Variants in PACS2 observed in about 807,000 individuals in gnomAD.
PACS2 encodes the protein phosphofurin acidic cluster sorting protein 2.
Under a neutral mutation model 113.0 loss-of-function variants are expected in PACS2, and 36 were observed. That is an observed-to-expected ratio of 0.32 (90% CI 0.24 to 0.42). PACS2 has a LOEUF of 0.42. Ranked by LOEUF, PACS2 falls within the 10% of genes least tolerant of loss-of-function variation. PACS2 has a pLI of 1.00. For synonymous variants in PACS2, 589 were observed against 536.1 expected (o/e 1.10, Z -1.36); for missense variants, 1,015 against 1,239.5 (o/e 0.82, Z 2.72).
At chr14:105,333,250 G>A (rs1009203198) in intron 1 of PACS2, among the ~76,000 whole-genome samples, 6 of 152,216 alleles carry the variant, frequency 3.9e-5, no homozygotes, top group African/African-American at 1.4e-4. Context: ...GACAGCTGGA[G>A]TCATCCTCCT....
intron 5 of PACS2, 90 bp downstream of exon 5, chr14:105,367,465 C>T: frequency 7.4e-7 from 1 of 1,356,646 alleles, no homozygotes; most frequent in Non-Finnish European, 1.0e-6. Context: ...ACTGTCCAGC[C>T]TGGCTTAAGG....
At position 105,384,451 on chromosome 14, in the gene PACS2, G is replaced by A; in HGVS notation, c.1879G>A (p.Ala627Thr). The change falls in exon 17 of 25, where the codon GCC (alanine) becomes ACC (threonine). Residue 627 changes from alanine to threonine, a missense_variant. By Grantham distance (58) the Ala-to-Thr change is moderately conservative (BLOSUM62 0). Coordinates refer to ENST00000447393, the MANE Select transcript of PACS2 (RefSeq NM_001100913.3). ...AWRDLFNKLE[A>T]QSAVQDTPDI... ...GAGAGACCTGTTCAACAAGCTGGAG[G>A]CCCAGAGTGCGGGTGAGGCCCGGGC... The A allele has an allele frequency of 5.0e-6, 8 of 1,609,712 alleles. No homozygotes were observed. Among genetic ancestry groups the A allele is most frequent in the Non-Finnish European group, 6.8e-6 (8 of 1,177,908 alleles).
At position 105,357,516 on chromosome 14, in the gene PACS2, G is replaced by A. The variant is rs1370281320; in HGVS notation, c.423+2339G>A. Among the ~76,000 whole-genome samples the A allele has an allele frequency of 2.0e-5, 3 of 152,138 alleles. No individual in the cohort carries two copies. Among genetic ancestry groups the A allele is most frequent in the African/African-American group, 7.2e-5 (3 of 41,428 alleles). On this transcript the variant is annotated intron_variant, in intron 4 of 24. Coordinates refer to ENST00000447393, the MANE Select transcript of PACS2 (RefSeq NM_001100913.3). This position sits in a 1 kb window ranked among gnomAD's most constrained non-coding sequence, Gnocchi z 5.1. ...GGCATCCTTCCACCTTCCACTGGCA[G>A]CCTGGTCCCAGAACCTAGTTGGGTC...
chr14:105,388,368 G>C (rs1445431541), intron 19 of PACS2, among the ~76,000 whole-genome samples: 15 of 152,256 alleles, frequency 9.9e-5, no homozygotes, highest in African/African-American at 3.6e-4. Context: ...GCCGGGCAGA[G>C]GCTGTTTTAC....
rs1287414026 is a variant in PACS2 at position 105,360,267 on chromosome 14, C to T, written c.423+5090C>T. Reference sequence around the variant, plus strand: ...TTTAAAATATTGCTAAAGCTGGGTGCGGTGGCTCATGCCTGTAATCCCAGC... The same window carrying T: ...TTTAAAATATTGCTAAAGCTGGGTGTGGTGGCTCATGCCTGTAATCCCAGC... On this transcript the variant is annotated intron_variant, in intron 4 of 24. Coordinates refer to ENST00000447393, the MANE Select transcript of PACS2 (RefSeq NM_001100913.3). Among the ~76,000 whole-genome samples, 5 of 152,078 alleles carry T rather than the reference C, an allele frequency of 3.3e-5. 1 individual carries two copies. Among genetic ancestry groups the T allele is most frequent in the South Asian group, 4.1e-4 (2 of 4,830 alleles).
chr14:105,351,288 T>C (rs76512495), intron 2 of PACS2, among the ~76,000 whole-genome samples: 3,968 of 152,318 alleles, frequency 0.026, 199 homozygotes, highest in African/African-American at 0.089. Flanking sequence ...TATTTTGATA[T>C]AAAGTTTGCG....
intron 1 of PACS2, among the ~76,000 whole-genome samples, chr14:105,322,411 G>A (rs148004792): frequency 1.1e-4 from 16 of 151,334 alleles, no homozygotes; most frequent in African/African-American, 3.4e-4. Flanking sequence ...CTACAGGTGC[G>A]CGCCACCGCA....
At chr14:105,382,095 G>GCTCGT in intron 13 of PACS2, 37 bp downstream of exon 13, 5 of 1,531,348 alleles carry the variant, frequency 3.3e-6, no homozygotes, top group Non-Finnish European at 4.4e-6. Flanking sequence ...AGGAGGCAGG[G>GCTCGT]CTCGTGGTCA....
At chr14:105,363,767 C>G (rs1005504347) in intron 4 of PACS2, among the ~76,000 whole-genome samples, 2 of 152,174 alleles carry the variant, frequency 1.3e-5, no homozygotes, top group East Asian at 1.9e-4. Flanking sequence ...CGCCCTCACC[C>G]TGTCTCGGCT....
chr14:105,376,976 GCCACTCTGCGA>G lies in PACS2; in HGVS notation c.959+60_959+70del. 1 of 1,527,532 alleles carries G rather than the reference GCCACTCTGCGA, an allele frequency of 6.5e-7. No homozygotes were observed. Among genetic ancestry groups the G allele is most frequent in the African/African-American group, 1.4e-5 (1 of 72,112 alleles). 94.6% of individuals were successfully genotyped at this position (1,527,532 alleles called of 1,614,324 possible). ...AGGAACAGCCATTTCAGATGCCCCGGCCACTCTGCGACCACTCTGGCAGACCCATGTCCAGC... is the reference window on the plus strand; with the variant it reads ...AGGAACAGCCATTTCAGATGCCCCGGCCACTCTGGCAGACCCATGTCCAGC... On this transcript the variant is annotated intron_variant, in intron 9 of 24. Coordinates refer to ENST00000447393, the MANE Select transcript of PACS2 (RefSeq NM_001100913.3). The surrounding 1 kb of genome is among the most constrained non-coding windows in gnomAD (Gnocchi z 4.7).
chr14:105,361,621 GA>G (rs2060681883), intron 4 of PACS2, among the ~76,000 whole-genome samples: 1 of 152,032 alleles, frequency 6.6e-6, no homozygotes, highest in African/African-American at 2.4e-5. Context: ...TGGGTGACAA[GA>G]GTGAGACTCC....
intron 4 of PACS2, among the ~76,000 whole-genome samples, chr14:105,364,050 C>T (rs2060831359): frequency 6.6e-6 from 1 of 152,104 alleles, no homozygotes; most frequent in African/African-American, 2.4e-5. Context: ...GATAGTCACA[C>T]CGTAGCTCAC....
At position 105,358,628 on chromosome 14, in the gene PACS2, A is replaced by G. The variant is rs2060547014; in HGVS notation, c.423+3451A>G. 2.0e-5 allele frequency among the ~76,000 whole-genome samples: 3 copies of G among 152,276 alleles called. No homozygotes were observed. The highest frequency in any genetic ancestry group is 4.1e-4 in the South Asian group (2 of 4,826). On this transcript the variant is annotated intron_variant, in intron 4 of 24. Coordinates refer to ENST00000447393, the MANE Select transcript of PACS2 (RefSeq NM_001100913.3). This position sits in a 1 kb window ranked among gnomAD's most constrained non-coding sequence, Gnocchi z 4.9. The stretch of plus-strand genomic sequence containing the variant: ...ACAAGACAGGAAGGTTGACAGACCC[A>G]TGACCAGGCGAAGGGGTGACCTGGG...
intron 1 of PACS2, among the ~76,000 whole-genome samples, chr14:105,318,867 A>G (rs975672846): frequency 4.6e-5 from 7 of 150,728 alleles, no homozygotes; most frequent in South Asian, 2.1e-4. Context: ...TCACCGTGTT[A>G]GCCAGGATGG....
rs2141130425 is a variant in PACS2 at position 105,365,391 on chromosome 14, C to T, written c.424-1822C>T. ...CCTGCAGATATCAAAATAGTGTTCA[C>T]ATATAGGTCGACCACAGGCTGAGTG... On this transcript the variant is annotated intron_variant, in intron 4 of 24. Transcript: ENST00000447393. The surrounding 1 kb of genome is among the most constrained non-coding windows in gnomAD (Gnocchi z 5.1). Among the ~76,000 whole-genome samples, 1 of 152,292 alleles carries T rather than the reference C, an allele frequency of 6.6e-6. No individual in the cohort carries two copies.
intron 1 of PACS2, among the ~76,000 whole-genome samples, chr14:105,342,230 CTGTGTGTGTG>C (rs373390359): frequency 1.4e-3 from 201 of 140,336 alleles, no homozygotes; most frequent in African/African-American, 2.0e-3. Flanking sequence ...AAGCTGCTGC[CTGTGTGTGTG>C]TGTGTGTGTG....
At chr14:105,327,056 G>A (rs2059138787) in intron 1 of PACS2, among the ~76,000 whole-genome samples, 1 of 152,240 alleles carries the variant, frequency 6.6e-6, no homozygotes, top group Non-Finnish European at 1.5e-5. Context: ...AAACGGAGCT[G>A]AGCGTGGCTT....
intron 15 of PACS2, 75 bp downstream of exon 15, chr14:105,382,988 C>T: frequency 2.3e-6 from 2 of 881,084 alleles, no homozygotes; most frequent in Non-Finnish European, 3.7e-6. Context: ...CTGCCCATTG[C>T]TCCGGGGCTA....
chr14:105,307,024 C>T (rs1001873637), intron 1 of PACS2, among the ~76,000 whole-genome samples: 6 of 151,936 alleles, frequency 3.9e-5, no homozygotes, highest in African/African-American at 1.5e-4. Flanking sequence ...TCTGAGTATG[C>T]CTTATTTACT....
Sources: allele counts gnomAD v4.1 joint callset (sites outside exome capture counted in the v4.1 genomes callset), GRCh38; gene constraint gnomAD v4.1.1; non-coding constraint Gnocchi (gnomAD v3.1); transcripts MANE v1.5; gene names NCBI Gene and HGNC (gene_info 2026-07-23, HGNC 2026-07-21).